NKAIN2: variants seen among roughly 807,000 people sequenced by gnomAD.
NKAIN2 encodes the protein sodium/potassium-transporting ATPase subunit beta-1-interacting protein 2.
In NKAIN2, 14 loss-of-function variants were observed where a neutral mutation model predicts 32.6. The ratio of observed to expected loss-of-function variants is 0.43; its 90% CI spans 0.28 to 0.67. The LOEUF is 0.67. Ranked by LOEUF, NKAIN2 falls within the 30% of genes least tolerant of loss-of-function variation. The probability of loss-of-function intolerance (pLI) is 0.17; values close to 1 mark genes in which losing one functional copy is unlikely to be tolerated. For synonymous variants in NKAIN2, 80 were observed against 87.2 expected (o/e 0.92, Z 0.46); for missense variants, 198 against 258.3 (o/e 0.77, Z 1.60).
chr6:123,806,082 C>T (rs1773202490), intron 1 of NKAIN2, among the ~76,000 whole-genome samples: 1 of 152,092 alleles, frequency 6.6e-6, no homozygotes, highest in Non-Finnish European at 1.5e-5. Flanking sequence ...TTTTTATGTG[C>T]TCACATATGT....
intron 4 of NKAIN2, among the ~76,000 whole-genome samples, chr6:124,710,110 G>A (rs564668967): frequency 7.3e-5 from 11 of 151,186 alleles, no homozygotes; most frequent in Admixed American, 7.2e-4. Flanking sequence ...TTCAGGAGCA[G>A]GTTGTTCAGT....
At chr6:123,953,595 T>G (rs1777424705) in intron 1 of NKAIN2, among the ~76,000 whole-genome samples, 1 of 152,012 alleles carries the variant, frequency 6.6e-6, no homozygotes, top group Non-Finnish European at 1.5e-5. Flanking sequence ...AGCAGCGGGT[T>G]GGGTGGGCCC....
chr6:124,653,338 A>G (rs546798681), intron 3 of NKAIN2, among the ~76,000 whole-genome samples: 2 of 151,700 alleles, frequency 1.3e-5, no homozygotes, highest in Admixed American at 6.6e-5. Flanking sequence ...CTAGAAGTCC[A>G]CCCACACAAA....
chr6:124,720,266 C>T (rs903352097), intron 4 of NKAIN2, among the ~76,000 whole-genome samples: 2 of 152,132 alleles, frequency 1.3e-5, no homozygotes, highest in African/African-American at 4.8e-5. Flanking sequence ...TGCAAAGACC[C>T]ACACAGCTGT....
At chr6:124,743,545 AACTTGAATATCTGG>A (rs1305939241) in intron 4 of NKAIN2, among the ~76,000 whole-genome samples, 1 of 151,772 alleles carries the variant, frequency 6.6e-6, no homozygotes, top group Non-Finnish European at 1.5e-5. Context: ...TCCTCTGGCA[AACTTGAATATCTGG>A]AAATGTGGAA....
chr6:124,523,230 C>A (rs1562236577), intron 3 of NKAIN2, among the ~76,000 whole-genome samples: 1 of 151,472 alleles, frequency 6.6e-6, no homozygotes, highest in African/African-American at 2.4e-5. Flanking sequence ...GTTAAGATAG[C>A]CAGCTTCTAT....
At chr6:124,038,053 A>G (rs978141645) in intron 1 of NKAIN2, among the ~76,000 whole-genome samples, 2 of 152,118 alleles carry the variant, frequency 1.3e-5, no homozygotes, top group African/African-American at 4.8e-5. Flanking sequence ...GTGAGGGCTG[A>G]GCCTTGGGCT....
chr6:124,198,205 G>A (rs182692897), intron 1 of NKAIN2, among the ~76,000 whole-genome samples: 8 of 152,078 alleles, frequency 5.3e-5, no homozygotes, highest in Non-Finnish European at 7.4e-5. Flanking sequence ...GTATGAATCC[G>A]CTGGCCCCGC....
intron 3 of NKAIN2, among the ~76,000 whole-genome samples, chr6:124,491,134 A>T (rs1365699826): frequency 6.6e-6 from 1 of 151,806 alleles, no homozygotes; most frequent in Non-Finnish European, 1.5e-5. Context: ...CTATATGCCA[A>T]GCACTTGCTA....
At chr6:124,257,844 T>C (rs1562454930) in intron 1 of NKAIN2, among the ~76,000 whole-genome samples, 2 of 149,550 alleles carry the variant, frequency 1.3e-5, no homozygotes, top group Non-Finnish European at 3.0e-5. Context: ...AGTGGCACGA[T>C]CTTGGATCAC....
intron 3 of NKAIN2, among the ~76,000 whole-genome samples, chr6:124,399,442 A>C (rs1477207706): frequency 6.6e-6 from 1 of 152,154 alleles, no homozygotes. Context: ...TACAGGCTAC[A>C]TTAAGAAATA....
At chr6:124,196,332 T>C (rs996825584) in intron 1 of NKAIN2, among the ~76,000 whole-genome samples, 1 of 152,104 alleles carries the variant, frequency 6.6e-6, no homozygotes, top group Admixed American at 6.5e-5. Context: ...CCAGGTGGCA[T>C]GTACTGTGCT....
intron 3 of NKAIN2, among the ~76,000 whole-genome samples, chr6:124,529,131 T>A (rs529672060): frequency 6.6e-6 from 1 of 152,364 alleles, no homozygotes; most frequent in Non-Finnish European, 1.5e-5. Flanking sequence ...AAATAATTTC[T>A]TATGTCTTTT....
chr6:124,501,106 C>A (rs1311000226), intron 3 of NKAIN2, among the ~76,000 whole-genome samples: 1 of 152,040 alleles, frequency 6.6e-6, no homozygotes, highest in African/African-American at 2.4e-5. Context: ...AGAGTATGAC[C>A]ATTGGGTTGA....
intron 1 of NKAIN2, among the ~76,000 whole-genome samples, chr6:124,264,308 C>T (rs142339847): frequency 2.2e-3 from 342 of 152,308 alleles, no homozygotes; most frequent in African/African-American, 7.8e-3. Context: ...CCTGTATTCA[C>T]TCATCTCCTC....
chr6:123,914,210 A>T (rs1215032403), intron 1 of NKAIN2, among the ~76,000 whole-genome samples: 1 of 123,232 alleles, frequency 8.1e-6, no homozygotes, highest in Non-Finnish European at 1.7e-5. Context: ...TTCTTTGTGT[A>T]TGACGAGAGA....
chr6:124,003,382 TAAACTC>T (rs1259473532), intron 1 of NKAIN2, among the ~76,000 whole-genome samples: 1 of 152,204 alleles, frequency 6.6e-6, no homozygotes, highest in Non-Finnish European at 1.5e-5. Flanking sequence ...TACAGATCGT[TAAACTC>T]AACATGAAAG....
intron 3 of NKAIN2, among the ~76,000 whole-genome samples, chr6:124,487,046 A>G (rs2114714965): frequency 6.6e-6 from 1 of 152,252 alleles, no homozygotes; most frequent in East Asian, 1.9e-4. Context: ...TCTCACCCTA[A>G]CCTGGGAAGT....
At position 124,407,101 on chromosome 6, in the gene NKAIN2, A is replaced by T. The variant is rs1186447327; in HGVS notation, c.273+51754A>T. On this transcript the variant is annotated intron_variant, in intron 3 of 6. Coordinates refer to ENST00000368417, the MANE Select transcript of NKAIN2 (RefSeq NM_001040214.3). ...ATCGATCAAGCTTTTGATGTCATTT[A>T]TACCAAACTCCAGGTCACAAAAATT... Among the ~76,000 whole-genome samples the T allele has an allele frequency of 2.6e-5, 4 of 152,242 alleles. No homozygotes were observed. In the East Asian group the frequency reaches 7.7e-4, roughly 29 times the overall value.
Sources: gnomAD v4.1 joint callset for allele counts (sites outside exome capture counted in the v4.1 genomes callset) on GRCh38, gnomAD v4.1.1 for gene constraint, MANE v1.5 for transcripts, NCBI Gene and HGNC (gene_info 2026-07-23, HGNC 2026-07-21) for gene names.